SNTG1: variants seen among roughly 807,000 people sequenced by gnomAD.
SNTG1 encodes the protein gamma-1-syntrophin.
In SNTG1, 39 loss-of-function variants were observed where a neutral mutation model predicts 74.7. That is an observed-to-expected ratio of 0.52 (90% confidence interval 0.40 to 0.68). The LOEUF (loss-of-function observed/expected upper bound fraction) is 0.68. Ranked by LOEUF, SNTG1 falls within the 30% of genes least tolerant of loss-of-function variation. The pLI, the probability that SNTG1 is intolerant of heterozygous loss-of-function variation, is 0.00. For missense variants in SNTG1, 685 were observed against 609.5 expected, an observed-to-expected ratio of 1.12 and a Z score of -1.30; for synonymous variants, 254 against 217.1, an observed-to-expected ratio of 1.17 and a Z score of -1.49.
intron 18 of SNTG1, among the ~76,000 whole-genome samples, chr8:50,791,999 A>T (rs948526329): frequency 2.0e-5 from 3 of 151,748 alleles, no homozygotes; most frequent in African/African-American, 7.2e-5. Flanking sequence ...CACTGGTAAT[A>T]AATGGGTTAC....
intron 12 of SNTG1, among the ~76,000 whole-genome samples, chr8:50,588,124 A>C (rs1358096913): frequency 6.6e-6 from 1 of 152,074 alleles, no homozygotes; most frequent in Non-Finnish European, 1.5e-5. Context: ...CGACTCAAAA[A>C]AAAAAAAAAT....
intron 10 of SNTG1, among the ~76,000 whole-genome samples, chr8:50,533,158 G>A (rs1285754264): frequency 6.6e-6 from 1 of 152,176 alleles, no homozygotes; most frequent in Admixed American, 6.5e-5. Flanking sequence ...CAGATTCACT[G>A]AATTTCTTCT....
intron 8 of SNTG1, among the ~76,000 whole-genome samples, chr8:50,497,368 GT>G (rs1402954606): frequency 6.6e-6 from 1 of 150,898 alleles, no homozygotes. Flanking sequence ...ATTTCTTTTT[GT>G]TTAATCCTAG....
At chr8:50,551,279 G>A (rs2094424613) in intron 11 of SNTG1, among the ~76,000 whole-genome samples, 1 of 152,030 alleles carries the variant, frequency 6.6e-6, no homozygotes, top group African/African-American at 2.4e-5. Context: ...TTGAAAAGTT[G>A]AAACAGAATG....
intron 4 of SNTG1, among the ~76,000 whole-genome samples, chr8:50,433,817 T>G (rs2093270488): frequency 1.3e-5 from 2 of 152,200 alleles, no homozygotes. Context: ...AGGAAAAAAG[T>G]CGAGGGCATA....
At chr8:50,182,756 T>A (rs1449272061) in intron 2 of SNTG1, among the ~76,000 whole-genome samples, 5 of 152,096 alleles carry the variant, frequency 3.3e-5, no homozygotes, top group African/African-American at 9.7e-5. Context: ...TTTCTGGAGT[T>A]TGAAAAAAAT....
chr8:50,600,618 T>G (rs1397649419), intron 13 of SNTG1, among the ~76,000 whole-genome samples: 1 of 152,134 alleles, frequency 6.6e-6, no homozygotes. Flanking sequence ...TTCTATTGAA[T>G]TTATGTGGTA....
chr8:50,554,846 G>C (rs2094446788), intron 12 of SNTG1, among the ~76,000 whole-genome samples: 1 of 152,030 alleles, frequency 6.6e-6, no homozygotes, highest in South Asian at 2.1e-4. Context: ...AACAAGATAT[G>C]AACTTATATT....
intron 13 of SNTG1, among the ~76,000 whole-genome samples, chr8:50,601,136 G>A (rs2094770901): frequency 9.5e-6 from 1 of 105,420 alleles, no homozygotes; most frequent in Non-Finnish European, 1.6e-5. Flanking sequence ...CCAGCCTGGT[G>A]ACAGAGCCAG....
chr8:50,665,452 G>A (rs1403959933), intron 15 of SNTG1, among the ~76,000 whole-genome samples: 1 of 151,876 alleles, frequency 6.6e-6, no homozygotes, highest in Non-Finnish European at 1.5e-5. Context: ...GTATGCAGCT[G>A]TACCTTACTC....
intron 2 of SNTG1, among the ~76,000 whole-genome samples, chr8:50,205,497 A>G (rs1442980498): frequency 1.3e-5 from 2 of 152,256 alleles, no homozygotes; most frequent in African/African-American, 4.8e-5. Flanking sequence ...GGTAGATTGC[A>G]AAAATTTTCT....
intron 2 of SNTG1, among the ~76,000 whole-genome samples, chr8:50,363,151 T>C (rs1265937083): frequency 1.3e-5 from 2 of 152,348 alleles, no homozygotes; most frequent in Non-Finnish European, 2.9e-5. Flanking sequence ...TAACCAGATT[T>C]AGCGACTAAA....
At chr8:50,680,217 A>G (rs1004656915) in intron 15 of SNTG1, among the ~76,000 whole-genome samples, 2 of 152,318 alleles carry the variant, frequency 1.3e-5, no homozygotes, top group South Asian at 4.1e-4. Context: ...TTCAAAAAGG[A>G]TAGTGTATGT....
rs1345450874 is a variant in SNTG1 at position 50,591,551 on chromosome 8, G to A, written c.849+634G>A. 2.0e-5 allele frequency among the ~76,000 whole-genome samples: 3 copies of A among 152,084 alleles called. No homozygotes were observed. The East Asian group carries it at 5.8e-4, about 29-fold the overall frequency. On this transcript the variant is annotated intron_variant, in intron 13 of 18. Transcript: ENST00000642720. ...CCCTATGTGCAACATTTGTGTAAGG[G>A]CGACTATCCTGTAAGTTTATTTTGA...
rs111877496 is a variant in SNTG1 at position 50,080,402 on chromosome 8, T to G, written c.-102-92159T>G. On this transcript the variant is annotated intron_variant, in intron 1 of 18. Coordinates refer to ENST00000642720, the MANE Select transcript of SNTG1 (RefSeq NM_018967.5). Reference sequence around the variant, plus strand: ...ATGATATAAAATTGTATCTTACATTTTTATCAAGACTGATGATATATGCCC... The same window carrying G: ...ATGATATAAAATTGTATCTTACATTGTTATCAAGACTGATGATATATGCCC... 7.2e-5 allele frequency among the ~76,000 whole-genome samples: 11 copies of G among 152,310 alleles called. 1 individual carries two copies. Among genetic ancestry groups the G allele is most frequent in the African/African-American group, 2.4e-4 (10 of 41,580 alleles).
intron 1 of SNTG1, among the ~76,000 whole-genome samples, chr8:49,998,068 A>G (rs1422034882): frequency 6.6e-6 from 1 of 152,216 alleles, no homozygotes; most frequent in Non-Finnish European, 1.5e-5. Context: ...CTACAAACCC[A>G]TACAGCATGT....
chr8:50,063,735 G>C (rs1226727270), intron 1 of SNTG1, among the ~76,000 whole-genome samples: 2 of 151,358 alleles, frequency 1.3e-5, no homozygotes, highest in African/African-American at 2.4e-5. Context: ...TGACTTAATA[G>C]CTTTTTTTTA....
Position 50,430,946 on chromosome 8 carries a change from C to G in SNTG1, c.163-7597C>G, listed in dbSNP as rs186844706. 1.1e-4 allele frequency among the ~76,000 whole-genome samples: 17 copies of G among 152,276 alleles called. 1 individual carries two copies. In the East Asian group the frequency reaches 1.7e-3, roughly 16 times the overall value. Reference sequence around the variant, plus strand: ...CCTGATGTGAAACAACTTTATCAACCAGAATACAGTTCCATGTGCAGTTCC... The same window carrying G: ...CCTGATGTGAAACAACTTTATCAACGAGAATACAGTTCCATGTGCAGTTCC... On this transcript the variant is annotated intron_variant, in intron 4 of 18. Transcript: ENST00000642720.
chr8:50,422,396 G>A (rs1041965781), intron 4 of SNTG1, among the ~76,000 whole-genome samples: 25 of 152,174 alleles, frequency 1.6e-4, no homozygotes, highest in African/African-American at 3.9e-4. Flanking sequence ...TGTATAGAAC[G>A]TACAGCAGAT....
Sources: allele counts gnomAD v4.1 joint callset (sites outside exome capture counted in the v4.1 genomes callset), GRCh38; gene constraint gnomAD v4.1.1; transcripts MANE v1.5; gene names NCBI Gene and HGNC (gene_info 2026-07-23, HGNC 2026-07-21).